ANO2: variants seen among roughly 807,000 people sequenced by gnomAD.
ANO2 encodes anoctamin-2.
In ANO2, 101 loss-of-function variants were observed where a neutral mutation model predicts 124.2. The observed-to-expected ratio is 0.81, with a 90% CI of 0.69 to 0.96. ANO2 has a LOEUF of 0.96. ANO2 is among the 40% of genes least tolerant of loss of function. The pLI is 0.00. For synonymous variants in ANO2, 486 were observed against 482.5 expected (o/e 1.01, Z -0.09); for missense variants, 1,293 against 1,274.5 (o/e 1.01, Z -0.22).
At chr12:5,673,764 A>T (rs1468588927) in intron 14 of ANO2, among the ~76,000 whole-genome samples, 2 of 152,196 alleles carry the variant, frequency 1.3e-5, no homozygotes, top group African/African-American at 4.8e-5. Context: ...GTCACTTCCT[A>T]TTCTCCTGCC....
chr12:5,725,038 C>T (rs1170801236), intron 14 of ANO2, among the ~76,000 whole-genome samples: 1 of 151,814 alleles, frequency 6.6e-6, no homozygotes, highest in African/African-American at 2.4e-5. Flanking sequence ...TATCTGAGCC[C>T]ATCTGTGTCA....
At chr12:5,832,698 G>A in intron 4 of ANO2, 95 bp from the exon 5 acceptor site, 1 of 1,351,982 alleles carries the variant, frequency 7.4e-7, no homozygotes, top group Non-Finnish European at 1.0e-6. Context: ...CAGATTCCCA[G>A]AGGTGAACAT....
chr12:5,905,970 G>A (rs139482841), intron 3 of ANO2, among the ~76,000 whole-genome samples: 70 of 152,088 alleles, frequency 4.6e-4, no homozygotes, highest in African/African-American at 1.6e-3. Context: ...TTCTCTCTTC[G>A]GGCGTCTCCT....
intron 23 of ANO2, among the ~76,000 whole-genome samples, chr12:5,567,509 G>A (rs752382107): frequency 7.2e-5 from 11 of 152,064 alleles, no homozygotes; most frequent in Non-Finnish European, 8.8e-5. Flanking sequence ...GTGCACACAC[G>A]CACACTCCTT....
chr12:5,918,039 C>G (rs1460652800), intron 3 of ANO2, among the ~76,000 whole-genome samples: 1 of 152,174 alleles, frequency 6.6e-6, no homozygotes, highest in Non-Finnish European at 1.5e-5. Context: ...CTGAGTGAAG[C>G]CCTGGCCTCT....
chr12:5,894,511 A>C (rs558561639), intron 3 of ANO2, among the ~76,000 whole-genome samples: 1 of 152,266 alleles, frequency 6.6e-6, no homozygotes, highest in African/African-American at 2.4e-5. Context: ...CCCTTTGTCA[A>C]TTCTGGCTTT....
chr12:5,716,255 T>C (rs778477054), intron 14 of ANO2, among the ~76,000 whole-genome samples: 1 of 152,216 alleles, frequency 6.6e-6, no homozygotes, highest in African/African-American at 2.4e-5. Flanking sequence ...TGAAGGAGGA[T>C]GTGCTGAGCC....
chr12:5,794,082 T>C (rs1952777198), intron 10 of ANO2, among the ~76,000 whole-genome samples: 1 of 152,208 alleles, frequency 6.6e-6, no homozygotes, highest in Admixed American at 6.5e-5. Context: ...CTGTTGCTGC[T>C]TTTCTCTGTC....
chr12:5,778,386 G>C (rs1458539270), intron 10 of ANO2, among the ~76,000 whole-genome samples: 1 of 152,118 alleles, frequency 6.6e-6, no homozygotes, highest in Non-Finnish European at 1.5e-5. Flanking sequence ...CAGTGCTAAA[G>C]GGGTTCTTTG....
At chr12:5,891,818 G>A (rs1160477634) in intron 3 of ANO2, among the ~76,000 whole-genome samples, 1 of 131,392 alleles carries the variant, frequency 7.6e-6, no homozygotes, top group Non-Finnish European at 1.6e-5. Context: ...CAGATCAATT[G>A]CCTGATAAAA....
intron 3 of ANO2, among the ~76,000 whole-genome samples, chr12:5,884,250 A>AGAGGATGAAATT (rs1420302135): frequency 3.3e-5 from 5 of 152,242 alleles, no homozygotes; most frequent in Admixed American, 3.3e-4. Flanking sequence ...ATTCATGAGA[A>AGAGGATGAAATT]GAGGATGAAA....
At chr12:5,935,166 G>A (rs1176182043) in intron 1 of ANO2, among the ~76,000 whole-genome samples, 2 of 152,230 alleles carry the variant, frequency 1.3e-5, no homozygotes, top group African/African-American at 4.8e-5. Context: ...TGTATAGACA[G>A]TGAGCTTAAT....
chr12:5,792,186 A>C (rs1952717659), intron 10 of ANO2, among the ~76,000 whole-genome samples: 2 of 152,174 alleles, frequency 1.3e-5, no homozygotes, highest in South Asian at 2.1e-4. Flanking sequence ...ACAAATCTGG[A>C]GGTAAAACTG....
intron 14 of ANO2, among the ~76,000 whole-genome samples, chr12:5,670,320 C>T (rs1261869783): frequency 6.6e-6 from 1 of 152,126 alleles, no homozygotes; most frequent in African/African-American, 2.4e-5. Context: ...GTGTTAGATA[C>T]TCTGGAGGGC....
chr12:5,737,270 T>C (rs1950908328), intron 13 of ANO2, among the ~76,000 whole-genome samples: 1 of 152,222 alleles, frequency 6.6e-6, no homozygotes, highest in Non-Finnish European at 1.5e-5. Context: ...CCTTAGGCCC[T>C]GGGTAAACCC....
intron 11 of ANO2, 113 bp downstream of exon 11, chr12:5,750,723 A>G: frequency 9.0e-7 from 1 of 1,108,530 alleles, no homozygotes; most frequent in East Asian, 2.5e-5. Context: ...GCGAAGGAGA[A>G]TGATAGAGGG....
chr12:5,599,937 G>A (rs113169670), intron 19 of ANO2, among the ~76,000 whole-genome samples: 14 of 152,294 alleles, frequency 9.2e-5, no homozygotes, highest in East Asian at 5.8e-4. Context: ...ATGCTGAGAC[G>A]GCACCAGTCC....
chr12:5,849,945 T>G (rs1363726834), intron 4 of ANO2, among the ~76,000 whole-genome samples: 1 of 152,196 alleles, frequency 6.6e-6, no homozygotes, highest in Non-Finnish European at 1.5e-5. Flanking sequence ...CCATTTTCCA[T>G]GCTCCTCTCT....
At chr12:5,876,025 C>T (rs1297576082) in intron 3 of ANO2, among the ~76,000 whole-genome samples, 2 of 152,144 alleles carry the variant, frequency 1.3e-5, no homozygotes, top group Non-Finnish European at 1.5e-5. Flanking sequence ...TGGTATCTGG[C>T]TTCAAACTGC....
Sources: gnomAD v4.1 joint callset for allele counts (sites outside exome capture counted in the v4.1 genomes callset) on GRCh38, gnomAD v4.1.1 for gene constraint, MANE v1.5 for transcripts, NCBI Gene and HGNC (gene_info 2026-07-23, HGNC 2026-07-21) for gene names.